The following CTNNA2 variants were observed in gnomAD, a reference collection of about 807,000 sequenced individuals.
The protein encoded by CTNNA2 is catenin alpha 2.
CTNNA2 carries 42 observed loss-of-function variants against 101.0 expected under a neutral mutation model. The ratio of observed to expected loss-of-function variants is 0.42; its 90% confidence interval spans 0.32 to 0.54. The LOEUF (loss-of-function observed/expected upper bound fraction) is 0.54. Ranked by LOEUF, CTNNA2 falls within the 20% of genes least tolerant of loss-of-function variation. The pLI, the probability that CTNNA2 is intolerant of heterozygous loss-of-function variation, is 0.14. For missense variants in CTNNA2, 871 were observed against 1,223.1 expected (o/e 0.71, Z 4.29); for synonymous variants, 450 against 456.4 (o/e 0.99, Z 0.18).
rs1674253242 is a variant in CTNNA2 at position 80,647,631 on chromosome 2, A to T, written c.2621A>T (p.Asn874Ile). The T allele has an allele frequency of 6.2e-7, 1 of 1,613,278 alleles. No homozygotes were observed. The highest frequency in any genetic ancestry group is 8.5e-7 in the Non-Finnish European group (1 of 1,179,428). Residue 874 changes from asparagine to isoleucine, a missense_variant, in exon 19 of 19, where the codon AAT becomes ATT. By Grantham distance (149) the Asn-to-Ile change is moderately radical. This residue lies in a region of CTNNA2 where 25 missense variants were observed against 69.5 expected (regional missense o/e 0.36). Coordinates refer to ENST00000402739, the MANE Select transcript of CTNNA2 (RefSeq NM_001282597.3). ...ATCCAGGCAGCTAAAAACCTGATGA[A>T]TGCTGTTGTCCTCACGGTGAAAGCA... ...SLIQAAKNLM[N>I]AVVLTVKASY...
intron 7 of CTNNA2, among the ~76,000 whole-genome samples, chr2:80,003,890 C>T (rs1289218232): frequency 3.9e-5 from 6 of 152,082 alleles, no homozygotes; most frequent in African/African-American, 1.2e-4. Flanking sequence ...AGGAAAGTCC[C>T]AGGAGGGCAG....
At chr2:79,704,551 TC>T (rs1478815854) in intron 2 of CTNNA2, among the ~76,000 whole-genome samples, 1 of 150,166 alleles carries the variant, frequency 6.7e-6, no homozygotes, top group Non-Finnish European at 1.5e-5. Flanking sequence ...CTCGCTCTGT[TC>T]CCCAGGCTGG....
chr2:79,847,258 T>C (rs563071516), intron 3 of CTNNA2, among the ~76,000 whole-genome samples: 1 of 152,104 alleles, frequency 6.6e-6, no homozygotes, highest in African/African-American at 2.4e-5. Context: ...ATTGAAGCTA[T>C]CACAGGCAGG....
chr2:80,000,161 A>T (rs890864039), intron 7 of CTNNA2, among the ~76,000 whole-genome samples: 1 of 152,212 alleles, frequency 6.6e-6, no homozygotes, highest in Admixed American at 6.5e-5. Context: ...TTTTAAGTTT[A>T]AAGAATTGGG....
At chr2:79,764,047 CA>C (rs1451821734) in intron 3 of CTNNA2, among the ~76,000 whole-genome samples, 1 of 152,194 alleles carries the variant, frequency 6.6e-6, no homozygotes, top group African/African-American at 2.4e-5. Context: ...CCTCCAGACA[CA>C]CAGCTACACA....
chr2:80,606,184 A>C (rs189000572), intron 16 of CTNNA2, among the ~76,000 whole-genome samples: 9 of 151,986 alleles, frequency 5.9e-5, no homozygotes, highest in African/African-American at 2.2e-4. Flanking sequence ...GCGGAGTTTG[A>C]ATGGCTGTTT....
At chr2:80,037,857 A>G (rs1012265475) in intron 7 of CTNNA2, among the ~76,000 whole-genome samples, 9 of 152,226 alleles carry the variant, frequency 5.9e-5, no homozygotes, top group Non-Finnish European at 8.8e-5. Context: ...CTTGATACCC[A>G]TGAAGTCAGA....
chr2:80,612,748 T>A (rs1372938222), intron 17 of CTNNA2, among the ~76,000 whole-genome samples: 1 of 151,478 alleles, frequency 6.6e-6, no homozygotes, highest in African/African-American at 2.4e-5. Context: ...CCTTTTTTTC[T>A]TAATTTTTAT....
At position 80,633,783 on chromosome 2, in the gene CTNNA2, A is replaced by G. The variant is rs115093264; in HGVS notation, c.2575-13802A>G. On this transcript the variant is annotated intron_variant, in intron 18 of 18. Transcript: ENST00000402739. ...AAGGCACCAGCACTATACCTAGCAA[A>G]CATAATTCTGTGCCTCTTAGATGCT... 4.6e-3 allele frequency among the ~76,000 whole-genome samples: 697 copies of G among 152,322 alleles called. 3 individuals are homozygous for G. The highest frequency in any genetic ancestry group is 0.016 in the African/African-American group (645 of 41,588).
At chr2:79,471,634 CG>C (rs1244583744) in intron 4 of CTNNA2, among the ~76,000 whole-genome samples, 2 of 151,976 alleles carry the variant, frequency 1.3e-5, no homozygotes, top group African/African-American at 4.8e-5. Context: ...ATCAGGAGAT[CG>C]AGACCATCCT....
rs148310414 is a variant in CTNNA2 at position 79,992,420 on chromosome 2, T to G, written c.1056+82623T>G. Among the ~76,000 whole-genome samples, 22 of 152,326 alleles carry G rather than the reference T, an allele frequency of 1.4e-4. No individual in the cohort carries two copies. In the East Asian group the frequency reaches 3.3e-3, roughly 23 times the overall value. ...ACCAAAATGTGTGAGGAATGATATA[T>G]TTTGGTTAATAGAGCTTTCCATTTG... On this transcript the variant is annotated intron_variant, in intron 7 of 18. Coordinates refer to ENST00000402739, the MANE Select transcript of CTNNA2 (RefSeq NM_001282597.3).
intron 9 of CTNNA2, among the ~76,000 whole-genome samples, chr2:80,484,795 C>T (rs548678266): frequency 2.6e-5 from 4 of 152,014 alleles, no homozygotes; most frequent in African/African-American, 7.2e-5. Flanking sequence ...TCACTAGGTC[C>T]GGAGATCGAG....
intron 12 of CTNNA2, among the ~76,000 whole-genome samples, chr2:80,566,947 A>G (rs1381656114): frequency 6.6e-6 from 1 of 152,132 alleles, no homozygotes; most frequent in Non-Finnish European, 1.5e-5. Flanking sequence ...CATGTGTGTA[A>G]AATTAGGGGT....
chr2:80,200,748 A>C (rs1375673729), intron 7 of CTNNA2, among the ~76,000 whole-genome samples: 1 of 151,970 alleles, frequency 6.6e-6, no homozygotes, highest in Non-Finnish European at 1.5e-5. Context: ...GTTGGCCAGG[A>C]TGGTATACAT....
chr2:79,499,783 C>T (rs1255607925), intron 4 of CTNNA2, among the ~76,000 whole-genome samples: 1 of 152,194 alleles, frequency 6.6e-6, no homozygotes, highest in African/African-American at 2.4e-5. Context: ...CTTGCAGGCA[C>T]CACTTACTGT....
chr2:80,463,913 T>G (rs1036460089), intron 9 of CTNNA2, among the ~76,000 whole-genome samples: 1 of 152,208 alleles, frequency 6.6e-6, no homozygotes. Context: ...AGTCATACTT[T>G]TAGGGACTTG....
chr2:79,667,284 C>G lies in CTNNA2; in HGVS notation c.102+15626C>G, dbSNP rs181029028. 1.9e-3 allele frequency among the ~76,000 whole-genome samples: 294 copies of G among 152,270 alleles called. 2 individuals carry two copies. Among genetic ancestry groups the G allele is most frequent in the African/African-American group, 6.2e-3 (256 of 41,540 alleles). On this transcript the variant is annotated intron_variant, in intron 2 of 18. Coordinates refer to ENST00000402739, the MANE Select transcript of CTNNA2 (RefSeq NM_001282597.3). ...GTCATGAAGGTTAACTTTTTGTGTG[C>G]TTGCAGGAGATCATTAAAGCAAGAG...
At chr2:80,198,839 A>AGTTTT (rs1030839067) in intron 7 of CTNNA2, among the ~76,000 whole-genome samples, 5 of 152,160 alleles carry the variant, frequency 3.3e-5, no homozygotes, top group East Asian at 1.9e-4. Flanking sequence ...GCCCAACGTC[A>AGTTTT]GTTTTGTTTT....
chr2:79,434,263 A>G (rs1678689046), intron 4 of CTNNA2, among the ~76,000 whole-genome samples: 1 of 149,192 alleles, frequency 6.7e-6, no homozygotes, highest in Admixed American at 6.8e-5. Context: ...ATACAGCTAC[A>G]CTCCAGCCTG....
Sources: allele counts gnomAD v4.1 joint callset (sites outside exome capture counted in the v4.1 genomes callset), GRCh38; gene constraint gnomAD v4.1.1; regional missense constraint gnomAD v4.1.1; transcripts MANE v1.5; gene names NCBI Gene and HGNC (gene_info 2026-07-23, HGNC 2026-07-21).